The following ESRRB variants were observed in gnomAD, a reference collection of about 807,000 sequenced individuals.
ESRRB encodes steroid hormone receptor ERR2.
In ESRRB, 16 loss-of-function variants were observed where a neutral mutation model predicts 46.0. The ratio of observed to expected loss-of-function variants is 0.35; its 90% CI spans 0.24 to 0.53. The LOEUF (loss-of-function observed/expected upper bound fraction) is 0.53, where lower values mean the gene tolerates loss of function less well. Among genes scored for constraint, ESRRB ranks in the 20% least tolerant of loss-of-function variants. The pLI, the probability that ESRRB is intolerant of heterozygous loss-of-function variation, is 0.93. For synonymous variants in ESRRB, 246 were observed against 259.6 expected (o/e 0.95, Z 0.50); for missense variants, 488 against 607.4 (o/e 0.80, Z 2.07).
intron 1 of ESRRB, among the ~76,000 whole-genome samples, chr14:76,319,130 G>A (rs571588237): frequency 1.3e-5 from 2 of 152,306 alleles, no homozygotes; most frequent in Non-Finnish European, 2.9e-5. Context: ...CAGATGTGAA[G>A]GTGGGATGCC....
upstream of ESRRB, among the ~76,000 whole-genome samples, chr14:76,372,290 T>A (rs1030077389): frequency 1.3e-5 from 2 of 151,856 alleles, no homozygotes; most frequent in Non-Finnish European, 2.9e-5. Flanking sequence ...TGTGTGAAAA[T>A]TTTTCCTAAT....
At chr14:76,400,198 T>G (rs1367759251) in intron 1 of ESRRB, among the ~76,000 whole-genome samples, 1 of 152,220 alleles carries the variant, frequency 6.6e-6, no homozygotes, top group African/African-American at 2.4e-5. Context: ...GCCCTTCAAC[T>G]GGGTACTTCG....
At chr14:76,341,228 G>A (rs1157090919) in intron 1 of ESRRB, among the ~76,000 whole-genome samples, 8 of 152,258 alleles carry the variant, frequency 5.3e-5, no homozygotes, top group East Asian at 1.9e-4. Flanking sequence ...CACAGTCTTC[G>A]CTGAGTGCCC....
intron 2 of ESRRB, among the ~76,000 whole-genome samples, chr14:76,446,484 C>T (rs1045138076): frequency 2.6e-5 from 4 of 151,624 alleles, no homozygotes; most frequent in African/African-American, 9.7e-5. Flanking sequence ...CAGAATGGCT[C>T]CAAGTCAGAA....
At chr14:76,313,915 G>A (rs1224032452) in intron 1 of ESRRB, among the ~76,000 whole-genome samples, 2 of 152,116 alleles carry the variant, frequency 1.3e-5, no homozygotes, top group Admixed American at 1.3e-4. Context: ...ATCCTCAGCG[G>A]GTTAAGAGTG....
Position 76,376,523 on chromosome 14 carries a change from C to T in ESRRB, c.50+72C>T. Reference sequence around the variant, plus strand: ...AGTCTCTGTCCTGGGGATCGCAGTTCCTTTTCTGCACATTCTTGTGTAAAA... The same window carrying T: ...AGTCTCTGTCCTGGGGATCGCAGTTTCTTTTCTGCACATTCTTGTGTAAAA... On this transcript the variant is annotated intron_variant, in intron 1 of 6. Transcript: ENST00000644823. The surrounding 1 kb of genome is among the most constrained non-coding windows in gnomAD (Gnocchi z 4.1). 1 of 1,100,170 alleles carries T rather than the reference C, an allele frequency of 9.1e-7. No individual in the cohort carries two copies. The highest frequency in any genetic ancestry group is 1.6e-5 in the African/African-American group (1 of 61,914). The allele number at this position is 1,100,170 out of a possible 1,614,324, so 68.2% of individuals were successfully genotyped here. A position where few individuals can be genotyped will look rare whatever the true frequency, so the allele number is the denominator to read the frequency against.
Position 76,376,185 on chromosome 14 carries a change from C to T in ESRRB, c.-217C>T. ...TCCACGGCTTCGCATCCCCTCTGCC[C>T]GCTCTCTCCGGAGCGTGCGGATGAG... On this transcript the variant is annotated 5_prime_UTR_variant, in exon 1 of 7. Coordinates refer to ENST00000644823, the MANE Select transcript of ESRRB (RefSeq NM_001379180.1). This position sits in a 1 kb window ranked among gnomAD's most constrained non-coding sequence, Gnocchi z 4.1. 1 of 393,468 alleles carries T rather than the reference C, an allele frequency of 2.5e-6. No homozygotes were observed. The allele number at this position is 393,468 out of a possible 1,614,324, so 24.4% of individuals were successfully genotyped here.
intron 1 of ESRRB, among the ~76,000 whole-genome samples, chr14:76,319,829 T>A (rs562070228): frequency 2.6e-5 from 4 of 152,130 alleles, no homozygotes; most frequent in Non-Finnish European, 5.9e-5. Flanking sequence ...GTTAACCTAA[T>A]GGATAGTCTT....
chr14:76,395,389 C>G (rs138818765), intron 1 of ESRRB, among the ~76,000 whole-genome samples: 2,366 of 152,236 alleles, frequency 0.016, 22 homozygotes, highest in Non-Finnish European at 0.026. Flanking sequence ...TGCAGCGGGG[C>G]GTGTGGAGGA....
chr14:76,355,913 G>T (rs1270997157), intron 1 of ESRRB, among the ~76,000 whole-genome samples: 2 of 152,196 alleles, frequency 1.3e-5, no homozygotes, highest in Non-Finnish European at 2.9e-5. Context: ...CAGGTGTCTG[G>T]TGTGCAGAGG....
At chr14:76,437,955 A>T (rs1887746042) in intron 1 of ESRRB, among the ~76,000 whole-genome samples, 1 of 152,038 alleles carries the variant, frequency 6.6e-6, no homozygotes, top group African/African-American at 2.4e-5. Context: ...CATACTGGTA[A>T]TTCACCTGGA....
At chr14:76,345,927 G>C (rs1187759422) in intron 1 of ESRRB, among the ~76,000 whole-genome samples, 1 of 152,184 alleles carries the variant, frequency 6.6e-6, no homozygotes, top group African/African-American at 2.4e-5. Context: ...ACACCAGGTA[G>C]CTTCAAACAA....
At chr14:76,457,492 T>G (rs1888664675) in intron 2 of ESRRB, among the ~76,000 whole-genome samples, 1 of 151,996 alleles carries the variant, frequency 6.6e-6, no homozygotes, top group African/African-American at 2.4e-5. Context: ...GTTAGTATAT[T>G]TTATGCATGG....
At chr14:76,440,576 T>TTTCTTCCTCC (rs1887879143) in intron 2 of ESRRB, among the ~76,000 whole-genome samples, 1 of 135,848 alleles carries the variant, frequency 7.4e-6, no homozygotes, top group African/African-American at 2.9e-5. Flanking sequence ...TTCCTTCCTT[T>TTTCTTCCTCC]CTTCCTCCCT....
intron 2 of ESRRB, among the ~76,000 whole-genome samples, chr14:76,458,437 C>A (rs1428928553): frequency 1.6e-5 from 2 of 124,684 alleles, no homozygotes; most frequent in African/African-American, 7.6e-5. Flanking sequence ...CACACACACA[C>A]ACACACACAC....
chr14:76,387,354 C>T (rs1885277447), intron 1 of ESRRB, among the ~76,000 whole-genome samples: 2 of 152,234 alleles, frequency 1.3e-5, no homozygotes, highest in African/African-American at 4.8e-5. Flanking sequence ...GAGCCCCCTA[C>T]AGGCACTCAC....
chr14:76,373,003 G>A (rs1884660508), upstream of ESRRB, among the ~76,000 whole-genome samples: 1 of 152,180 alleles, frequency 6.6e-6, no homozygotes, highest in African/African-American at 2.4e-5. Context: ...ATCTGATGAT[G>A]GTTCTAAATG....
At chr14:76,412,499 G>A (rs147949300) in intron 1 of ESRRB, among the ~76,000 whole-genome samples, 1,604 of 152,124 alleles carry the variant, frequency 0.011, 15 homozygotes, top group Non-Finnish European at 0.016. Flanking sequence ...ACCCTGGCTG[G>A]AAGCTGCTCC....
intron 2 of ESRRB, among the ~76,000 whole-genome samples, chr14:76,460,930 T>C (rs1042085669): frequency 6.6e-6 from 1 of 151,958 alleles, no homozygotes; most frequent in African/African-American, 2.4e-5. Context: ...GGTCTCGAAC[T>C]CCATACCTCA....
Sources: gnomAD v4.1 joint callset for allele counts (sites outside exome capture counted in the v4.1 genomes callset) on GRCh38, gnomAD v4.1.1 for gene constraint, Gnocchi (gnomAD v3.1) non-coding constraint, MANE v1.5 for transcripts, NCBI Gene and HGNC (gene_info 2026-07-23, HGNC 2026-07-21) for gene names.